Variants in STRA8 observed in about 807,000 individuals in gnomAD.
STRA8 encodes stimulated by retinoic acid gene 8 protein homolog.
In STRA8, 18 loss-of-function variants were observed where a neutral mutation model predicts 37.1. That is an observed-to-expected ratio of 0.48 (90% CI 0.34 to 0.72). STRA8 has a LOEUF of 0.72. Ranked by LOEUF, STRA8 falls within the 30% of genes least tolerant of loss-of-function variation. The pLI is 0.01. For missense variants in STRA8, 357 were observed against 410.4 expected, an observed-to-expected ratio of 0.87 and a Z score of 1.13; for synonymous variants, 168 against 162.9, an observed-to-expected ratio of 1.03 and a Z score of -0.24.
At position 135,252,013 on chromosome 7, in the gene STRA8, A is replaced by AGAGAGAGTGTGTGT. The variant is rs142941773; in HGVS notation, c.953+145_953+146insAGAGAGTGTGTGTG. 1,644 of 505,302 alleles carry AGAGAGAGTGTGTGT rather than the reference A, an allele frequency of 3.3e-3. 33 individuals carry two copies. The African/African-American group carries it at 0.034, about 10-fold the overall frequency. 31.3% of individuals were successfully genotyped at this position (505,302 alleles called of 1,614,324 possible). On this transcript the variant is annotated intron_variant, in intron 7 of 8. Transcript: ENST00000662584. ...AGAGGAGACAGAGGGAGAGAGAGAGAGTGTGTGTGTGTGTGTGTGTGTGTG... is the reference window on the plus strand; with the variant it reads ...AGAGGAGACAGAGGGAGAGAGAGAGAGAGAGAGTGTGTGTGTGTGTGTGTGTGTGTGTGTGTGTG...
chr7:135,246,224 A>G lies in STRA8; in HGVS notation c.594-193A>G. The G allele has an allele frequency of 1.4e-6, 1 of 728,052 alleles. No homozygotes were observed. The highest frequency in any genetic ancestry group is 2.2e-6 in the Non-Finnish European group (1 of 448,596). 45.1% of individuals were successfully genotyped at this position (728,052 alleles called of 1,614,324 possible). ...GGGAGGGGCCCCAAAGCCCAAGTCT[A>G]TGTCCTTCATGGCCCCCAGGAAGGC... On this transcript the variant is annotated intron_variant, in intron 5 of 8. Coordinates refer to ENST00000662584, the MANE Select transcript of STRA8 (RefSeq NM_001394401.1). This position sits in a 1 kb window ranked among gnomAD's most constrained non-coding sequence, Gnocchi z 5.4.
intron 1 of STRA8, among the ~76,000 whole-genome samples, chr7:135,238,057 G>A (rs1349707722): frequency 6.6e-6 from 1 of 152,176 alleles, no homozygotes; most frequent in African/African-American, 2.4e-5. Flanking sequence ...TAGTGAACAG[G>A]AGGCAGGATC....
chr7:135,239,258 T>C (rs769247023), intron 1 of STRA8, among the ~76,000 whole-genome samples: 1 of 152,190 alleles, frequency 6.6e-6, no homozygotes, highest in Non-Finnish European at 1.5e-5. Context: ...AATCAAGAGT[T>C]AGCGGTGGCT....
rs369945906 is a variant in STRA8 at position 135,240,642 on chromosome 7, C to G, written c.118C>G (p.Arg40Gly). ...GAGACGGCTGTCCCAGGCCCGCCAC[C>G]GAGCCACCCTGGCAGCGCTCTTCAA... ...ARRRLSQARH[R>G]ATLAALFNNL... Residue 40 changes from arginine (R) to glycine (G), a missense_variant, in exon 2 of 9, where the codon CGA becomes GGA. Coordinates refer to ENST00000662584, the MANE Select transcript of STRA8 (RefSeq NM_001394401.1). 6.2e-7 allele frequency: 1 copy of G among 1,614,158 alleles called. No individual in the cohort carries two copies. The highest frequency in any genetic ancestry group is 1.7e-5 in the Admixed American group (1 of 60,032).
Position 135,243,348 on chromosome 7 carries a change from G to A in STRA8, c.291G>A (p.Gly97=). Residue 97 remains glycine, a synonymous_variant, in exon 4 of 9, where the codon GGG becomes GGA. Coordinates refer to ENST00000662584, the MANE Select transcript of STRA8 (RefSeq NM_001394401.1). ...KLKASFNLED[G]HASSLEEVKK... is the part of the protein sequence containing the mutation. ...TAGCATCCTTCAACCTGGAAGATGG[G>A]CATGCAAGCAGCTTAGAGGAGGTCA... 1 of 1,614,190 alleles carries A rather than the reference G, an allele frequency of 6.2e-7. No homozygotes were observed. Among genetic ancestry groups the A allele is most frequent in the South Asian group, 1.1e-5 (1 of 91,082 alleles).
rs763656843 is a variant in STRA8 at position 135,246,028 on chromosome 7, G to A, written c.594-389G>A. 6 of 269,080 alleles carry A rather than the reference G, an allele frequency of 2.2e-5. No individual in the cohort carries two copies. Among genetic ancestry groups the A allele is most frequent in the African/African-American group, 4.6e-5 (2 of 43,410 alleles). The allele number at this position is 269,080 out of a possible 1,614,324, so 16.7% of individuals were successfully genotyped here. ...ATAGCAGGAGGCTCTCTCCACAGCCGAGCCTGACTTTCGGGCTGCAGGTTA... is the reference window on the plus strand; with the variant it reads ...ATAGCAGGAGGCTCTCTCCACAGCCAAGCCTGACTTTCGGGCTGCAGGTTA... On this transcript the variant is annotated intron_variant, in intron 5 of 8. Coordinates refer to ENST00000662584, the MANE Select transcript of STRA8 (RefSeq NM_001394401.1). The surrounding 1 kb of genome is among the most constrained non-coding windows in gnomAD (Gnocchi z 5.4).
At chr7:135,253,725 G>A (rs1485644991) in intron 7 of STRA8, among the ~76,000 whole-genome samples, 1 of 152,200 alleles carries the variant, frequency 6.6e-6, no homozygotes, top group Non-Finnish European at 1.5e-5. Flanking sequence ...AAATTCCCTT[G>A]CTGCTTTGCT....
rs144431845 is a variant in STRA8 at position 135,246,848 on chromosome 7, CT to C, written c.879+160del. 252,053 of 655,914 alleles carry C rather than the reference CT, an allele frequency of 0.38. 14,910 individuals carry two copies. Among genetic ancestry groups the C allele is most frequent in the South Asian group, 0.43 (17,523 of 40,648 alleles). The allele number at this position is 655,914 out of a possible 1,614,324, so 40.6% of individuals were successfully genotyped here. ...GTCGGTTTCTGATTTTCTTTTTTCT[CT>C]TTTTTTTTTTTTTGAGACGGAGTCT... On this transcript the variant is annotated intron_variant, in intron 6 of 8. Coordinates refer to ENST00000662584, the MANE Select transcript of STRA8 (RefSeq NM_001394401.1). The surrounding 1 kb of genome is among the most constrained non-coding windows in gnomAD (Gnocchi z 5.4).
rs557203380 is a variant in STRA8 at position 135,240,847 on chromosome 7, C to T, written c.192+131C>T. The T allele has an allele frequency of 1.6e-3, 1,557 of 949,720 alleles. 5 individuals carry two copies. Among genetic ancestry groups the T allele is most frequent in the Middle Eastern group, 2.2e-3 (9 of 4,124 alleles). The allele number at this position is 949,720 out of a possible 1,614,324, so 58.8% of individuals were successfully genotyped here. A position where few individuals can be genotyped will look rare whatever the true frequency, so the allele number is the denominator to read the frequency against. The stretch of plus-strand genomic sequence containing the variant: ...TTCTGCTGGGGTAGCGACAAATGCC[C>T]TAGACAGGGTAATTTATAAACAACA... On this transcript the variant is annotated intron_variant, in intron 2 of 8. Transcript: ENST00000662584.
chr7:135,252,548 TC>T (rs1025342603), intron 7 of STRA8, among the ~76,000 whole-genome samples: 2 of 152,126 alleles, frequency 1.3e-5, no homozygotes, highest in Non-Finnish European at 2.9e-5. Context: ...TAGGATTGTG[TC>T]ATTGCCCTGG....
chr7:135,246,403 C>T lies in STRA8; in HGVS notation c.594-14C>T, dbSNP rs748514150. 2.1e-5 allele frequency: 34 copies of T among 1,592,336 alleles called. No homozygotes were observed. The highest frequency in any genetic ancestry group is 1.7e-4 in the South Asian group (15 of 87,732). On this transcript the variant is annotated splice_polypyrimidine_tract_variant and intron_variant, in intron 5 of 8. Coordinates refer to ENST00000662584, the MANE Select transcript of STRA8 (RefSeq NM_001394401.1). This position sits in a 1 kb window ranked among gnomAD's most constrained non-coding sequence, Gnocchi z 5.4. ...GAGCTTTAGGGGTGCGAGACGGCGC[C>T]GCTTCTGTTCCAGGTATCTCAACTT... is the stretch of plus-strand genomic sequence containing the variant.
In STRA8 at chr7:135,246,122, G is replaced by C. The variant is rs1232493818; in HGVS notation, c.594-295G>C. 7 of 465,306 alleles carry C rather than the reference G, an allele frequency of 1.5e-5. No homozygotes were observed. Among genetic ancestry groups the C allele is most frequent in the African/African-American group, 1.4e-4 (7 of 50,724 alleles). The allele number at this position is 465,306 out of a possible 1,614,324, so 28.8% of individuals were successfully genotyped here. On this transcript the variant is annotated intron_variant, in intron 5 of 8. Transcript: ENST00000662584. This position sits in a 1 kb window ranked among gnomAD's most constrained non-coding sequence, Gnocchi z 5.4. ...TTTCAAGAATATTCCCTTAGGATGAGAGCTGAGGCAGCTACGCCTCTTATC... is the reference window on the plus strand; with the variant it reads ...TTTCAAGAATATTCCCTTAGGATGACAGCTGAGGCAGCTACGCCTCTTATC...
At position 135,240,544 on chromosome 7, in the gene STRA8, A is replaced by G; in HGVS notation, c.20A>G (p.Asn7Ser). MATPEENSNPHDRATPQ... is the reference protein window; with the variant it reads MATPEESSNPHDRATPQ... ...CTTATAATGGCAACCCCTGAAGAAA[A>G]CAGCAATCCCCATGACAGAGCAACA... is the stretch of plus-strand genomic sequence containing the variant. Residue 7 changes from asparagine to serine, a missense_variant, in exon 2 of 9, where the codon AAC becomes AGC. Asn to Ser is a conservative substitution (Grantham distance 46, BLOSUM62 1). Transcript: ENST00000662584. 7 of 1,613,946 alleles carry G rather than the reference A, an allele frequency of 4.3e-6. No individual in the cohort carries two copies. The highest frequency in any genetic ancestry group is 5.1e-6 in the Non-Finnish European group (6 of 1,180,030).
chr7:135,241,716 G>C (rs1288279164), intron 2 of STRA8, among the ~76,000 whole-genome samples: 1 of 152,132 alleles, frequency 6.6e-6, no homozygotes, highest in Non-Finnish European at 1.5e-5. Context: ...TCTACCCCTT[G>C]TTAGTACCTA....
intron 8 of STRA8, 66 bp from the exon 9 acceptor site, chr7:135,258,349 CCTT>C: frequency 7.6e-7 from 1 of 1,317,420 alleles, no homozygotes; most frequent in Non-Finnish European, 1.1e-6. Context: ...GATGCAGGAG[CCTT>C]CCTATCTGCC....
intron 7 of STRA8, among the ~76,000 whole-genome samples, chr7:135,253,041 T>G (rs1170933222): frequency 6.6e-6 from 1 of 152,158 alleles, no homozygotes; most frequent in Non-Finnish European, 1.5e-5. Flanking sequence ...TTCAAGTGAT[T>G]CTCCTGCCTC....
At chr7:135,243,802 A>AT (rs752593229) in intron 4 of STRA8, among the ~76,000 whole-genome samples, 2 of 152,306 alleles carry the variant, frequency 1.3e-5, no homozygotes, top group East Asian at 1.9e-4. Context: ...TTCTATATGT[A>AT]TTTTTTAAAG....
chr7:135,238,367 G>GC (rs1431197809), intron 1 of STRA8, among the ~76,000 whole-genome samples: 1 of 152,172 alleles, frequency 6.6e-6, no homozygotes, highest in African/African-American at 2.4e-5. Flanking sequence ...TGGGAAGTCT[G>GC]CCCCCTATGG....
At chr7:135,250,381 T>C (rs1354440995) in intron 6 of STRA8, among the ~76,000 whole-genome samples, 1 of 152,176 alleles carries the variant, frequency 6.6e-6, no homozygotes, top group Non-Finnish European at 1.5e-5. Context: ...ATGTAGCTGA[T>C]AGGCTTCAGA....
Sources: allele counts gnomAD v4.1 joint callset (sites outside exome capture counted in the v4.1 genomes callset), GRCh38; gene constraint gnomAD v4.1.1; non-coding constraint Gnocchi (gnomAD v3.1); transcripts MANE v1.5; gene names NCBI Gene and HGNC (gene_info 2026-07-23, HGNC 2026-07-21).